The following ZUP1 variants were observed in gnomAD, a reference collection of about 807,000 sequenced individuals.
ZUP1 encodes zinc finger containing ubiquitin peptidase 1, also known as zinc finger-containing ubiquitin peptidase 1.
Under a neutral mutation model 68.1 loss-of-function variants are expected in ZUP1, and 55 were observed. That is an observed-to-expected ratio of 0.81 (90% CI 0.65 to 1.01). The LOEUF is 1.01. Among genes scored for constraint, ZUP1 ranks in the 50% least tolerant of loss-of-function variants. ZUP1 has a pLI of 0.00. For missense variants in ZUP1, 684 were observed against 674.9 expected, an observed-to-expected ratio of 1.01 and a Z score of -0.15; for synonymous variants, 223 against 221.5, an observed-to-expected ratio of 1.01 and a Z score of -0.06.
chr6:116,658,813 T>C lies in ZUP1; in HGVS notation c.782A>G (p.Gln261Arg). The C allele has an allele frequency of 6.3e-7, 1 of 1,586,236 alleles. No homozygotes were observed. The highest frequency in any genetic ancestry group is 8.6e-7 in the Non-Finnish European group (1 of 1,162,112). The change falls in exon 4 of 10, where the codon CAG becomes CGG. Residue 261 changes from glutamine (Q) to arginine (R), a missense_variant. Coordinates refer to ENST00000368576, the MANE Select transcript of ZUP1 (RefSeq NM_145062.3). ...TATTAATCTTTGTACCTGCAGCTTC[T>C]GAAATTCTTCTATTTCTTGTCTTGA... ...EESRQEIEEF[Q>R]KLQRQYGLDN...
intron 5 of ZUP1, among the ~76,000 whole-genome samples, chr6:116,654,309 G>T (rs767713260): frequency 7.9e-5 from 12 of 151,928 alleles, no homozygotes; most frequent in Non-Finnish European, 1.8e-4. Flanking sequence ...AGAAAATGCA[G>T]ATTCAATAAA....
At chr6:116,653,697 A>T (rs147111021) in intron 5 of ZUP1, among the ~76,000 whole-genome samples, 57 of 152,184 alleles carry the variant, frequency 3.7e-4, no homozygotes, top group African/African-American at 1.3e-3. Context: ...AGCTAAATGT[A>T]GATTTTAATA....
intron 9 of ZUP1, among the ~76,000 whole-genome samples, chr6:116,642,575 A>C (rs1417857248): frequency 2.0e-5 from 3 of 152,234 alleles, no homozygotes; most frequent in African/African-American, 7.2e-5. Context: ...AACAGAACCA[A>C]AGACAAAAAC....
chr6:116,649,296 C>T (rs530792225), intron 7 of ZUP1, among the ~76,000 whole-genome samples: 24 of 151,986 alleles, frequency 1.6e-4, no homozygotes, highest in Non-Finnish European at 2.6e-4. Flanking sequence ...TAAAGCTTAA[C>T]GCAAACATTC....
At chr6:116,645,101 A>C (rs1459901706) in intron 9 of ZUP1, among the ~76,000 whole-genome samples, 1 of 151,688 alleles carries the variant, frequency 6.6e-6, no homozygotes, top group Non-Finnish European at 1.5e-5. Context: ...ACATACAGTA[A>C]ACTGCACATA....
intron 9 of ZUP1, 59 bp from the exon 10 acceptor site, chr6:116,635,938 G>A: frequency 9.0e-7 from 1 of 1,110,720 alleles, no homozygotes; most frequent in Non-Finnish European, 1.3e-6. Context: ...TAGAATATGT[G>A]TTGTCATTCT....
intron 9 of ZUP1, 57 bp from the exon 10 acceptor site, chr6:116,635,936 G>A: frequency 1.7e-6 from 2 of 1,144,444 alleles, no homozygotes; most frequent in Non-Finnish European, 2.4e-6. Context: ...ATTAGAATAT[G>A]TGTTGTCATT....
Position 116,652,195 on chromosome 6 carries a change from A to G in ZUP1, c.962-3T>C, listed in dbSNP as rs766618269. 7 of 1,605,780 alleles carry G rather than the reference A, an allele frequency of 4.4e-6. No individual in the cohort carries two copies. The African/African-American group carries it at 9.4e-5, about 22-fold the overall frequency. Reference sequence around the variant, plus strand: ...CCTATGAAGTGCTTCAATAATTCCTAAAGTAGAAAAGAGATTCAGAAGCAG... The same window carrying G: ...CCTATGAAGTGCTTCAATAATTCCTGAAGTAGAAAAGAGATTCAGAAGCAG... On this transcript the variant is annotated splice_polypyrimidine_tract_variant and splice_region_variant and intron_variant, in intron 5 of 9. Coordinates refer to ENST00000368576, the MANE Select transcript of ZUP1 (RefSeq NM_145062.3).
At chr6:116,654,817 A>G (rs1254031990) in intron 5 of ZUP1, among the ~76,000 whole-genome samples, 1 of 152,094 alleles carries the variant, frequency 6.6e-6, no homozygotes, top group Non-Finnish European at 1.5e-5. Context: ...GAAAATGCAA[A>G]TTAAAACATG....
intron 6 of ZUP1, 102 bp from the exon 7 acceptor site, chr6:116,651,839 A>C: frequency 6.9e-7 from 1 of 1,448,506 alleles, no homozygotes; most frequent in East Asian, 2.3e-5. Context: ...TTTTTAAGAC[A>C]GTTATTCCTG....
At chr6:116,642,463 C>T (rs1461103276) in intron 9 of ZUP1, among the ~76,000 whole-genome samples, 2 of 152,192 alleles carry the variant, frequency 1.3e-5, no homozygotes, top group South Asian at 4.2e-4. Context: ...CTGAATCCAG[C>T]AGCACATCAA....
intron 9 of ZUP1, among the ~76,000 whole-genome samples, chr6:116,642,210 A>T (rs1776125856): frequency 6.6e-6 from 1 of 152,148 alleles, no homozygotes; most frequent in South Asian, 2.1e-4. Flanking sequence ...TACCAACCAA[A>T]AAGAGTCCAG....
At chr6:116,639,009 T>C (rs1435091984) in intron 9 of ZUP1, among the ~76,000 whole-genome samples, 3 of 152,210 alleles carry the variant, frequency 2.0e-5, no homozygotes, top group African/African-American at 7.2e-5. Context: ...CCGACAGGCT[T>C]AGGAAACGGC....
chr6:116,661,348 CA>C (rs150074054), intron 2 of ZUP1, among the ~76,000 whole-genome samples: 15 of 149,618 alleles, frequency 1.0e-4, no homozygotes, highest in African/African-American at 1.5e-4. Flanking sequence ...CATACCACTC[CA>C]AAAAAAAAGG....
intron 9 of ZUP1, 76 bp from the exon 10 acceptor site, chr6:116,635,955 AAAAAT>A: frequency 9.5e-7 from 1 of 1,055,006 alleles, no homozygotes; most frequent in East Asian, 2.8e-5. Flanking sequence ...TTCTAATGTA[AAAAAT>A]AAAATCTGGA....
chr6:116,642,470 T>C (rs1329452737), intron 9 of ZUP1, among the ~76,000 whole-genome samples: 1 of 152,016 alleles, frequency 6.6e-6, no homozygotes. Flanking sequence ...CAGCAGCACA[T>C]CAAAAACCTT....
At chr6:116,658,696 TA>T in intron 4 of ZUP1, 106 bp downstream of exon 4, 1 of 1,080,148 alleles carries the variant, frequency 9.3e-7, no homozygotes, top group East Asian at 2.8e-5. Context: ...CAAACATGTA[TA>T]AATTTTTTTT....
chr6:116,651,618 T>C lies in ZUP1; in HGVS notation c.1270A>G (p.Ile424Val). ...NNRLQGTKAW[I>V]GACEVYILLT... is the part of the protein sequence containing the mutation. Reference sequence around the variant, plus strand: ...AGTATATATACTTCACATGCTCCAATCCAGGCCTTTGTTCCCTGTAACCTG... The same window carrying C: ...AGTATATATACTTCACATGCTCCAACCCAGGCCTTTGTTCCCTGTAACCTG... The change falls in exon 7 of 10, where the codon ATT (isoleucine) becomes GTT (valine). Residue 424 changes from isoleucine to valine, a missense_variant. Coordinates refer to ENST00000368576, the MANE Select transcript of ZUP1 (RefSeq NM_145062.3). The C allele has an allele frequency of 6.2e-7, 1 of 1,613,872 alleles. No homozygotes were observed. The highest frequency in any genetic ancestry group is 1.7e-5 in the Admixed American group (1 of 60,032).
chr6:116,666,869 A>T lies in ZUP1; in HGVS notation c.324T>A (p.Thr108=), dbSNP rs183254631. 15 of 1,610,008 alleles carry T rather than the reference A, an allele frequency of 9.3e-6. No individual in the cohort carries two copies. The East Asian group carries it at 3.3e-4, about 36-fold the overall frequency. ...CTTCATGTTTTAAAGTACTATCTTT[A>T]GTCAGGTTTTGAGCTGAATTTTTTG... ...NHPKNSAQNL[T]KDSTLKHEGF... is the part of the protein sequence containing the mutation. The change falls in exon 2 of 10, where the codon ACT becomes ACA. Residue 108 remains threonine (T), a synonymous_variant. Transcript: ENST00000368576.
Sources: allele counts gnomAD v4.1 joint callset (sites outside exome capture counted in the v4.1 genomes callset), GRCh38; gene constraint gnomAD v4.1.1; transcripts MANE v1.5; gene names NCBI Gene and HGNC (gene_info 2026-07-23, HGNC 2026-07-21).